The following ZSWIM5 variants were observed in gnomAD, a reference collection of about 807,000 sequenced individuals.
ZSWIM5 encodes the protein zinc finger SWIM domain-containing protein 5.
In ZSWIM5, 55 loss-of-function variants were observed where a neutral mutation model predicts 119.6. That is an observed-to-expected ratio of 0.46 (90% CI 0.37 to 0.58). The LOEUF (loss-of-function observed/expected upper bound fraction) is 0.58, where lower values mean the gene tolerates loss of function less well. Among genes scored for constraint, ZSWIM5 ranks in the 20% least tolerant of loss-of-function variants. The probability of loss-of-function intolerance (pLI) is 0.00; values close to 1 mark genes in which losing one functional copy is unlikely to be tolerated. For synonymous variants in ZSWIM5, 537 were observed against 606.9 expected (o/e 0.88, Z 1.69); for missense variants, 1,193 against 1,512.8 (o/e 0.79, Z 3.51).
intron 1 of ZSWIM5, among the ~76,000 whole-genome samples, chr1:45,168,283 T>C (rs1006704359): frequency 5.9e-5 from 9 of 151,654 alleles, no homozygotes; most frequent in Admixed American, 6.6e-5. Flanking sequence ...ATGAGAACAC[T>C]TGGACACAGG....
In ZSWIM5 at chr1:45,108,791, C is replaced by T. The variant is rs530944862; in HGVS notation, c.596-20554G>A. On this transcript the variant is annotated intron_variant, in intron 1 of 13. Transcript: ENST00000359600. Reference sequence around the variant, plus strand: ...ACTCATTTCAAGCAGAGTCAAACCTCAAATAATCTAATGAAAAATGCCTAT... The same window carrying T: ...ACTCATTTCAAGCAGAGTCAAACCTTAAATAATCTAATGAAAAATGCCTAT... Among the ~76,000 whole-genome samples the T allele has an allele frequency of 1.2e-4, 19 of 152,184 alleles. No homozygotes were observed. The South Asian group carries it at 3.5e-3, about 28-fold the overall frequency.
At chr1:45,137,807 A>C (rs2149032981) in intron 1 of ZSWIM5, among the ~76,000 whole-genome samples, 1 of 152,226 alleles carries the variant, frequency 6.6e-6, no homozygotes, top group South Asian at 2.1e-4. Context: ...TATTGTATGG[A>C]ATTTGGCTTT....
At chr1:45,096,124 A>G (rs1200963137) in intron 1 of ZSWIM5, among the ~76,000 whole-genome samples, 1 of 152,234 alleles carries the variant, frequency 6.6e-6, no homozygotes, top group East Asian at 1.9e-4. Flanking sequence ...CAAATATTCA[A>G]GTGCCCAAGA....
At chr1:45,177,330 C>A (rs1645987517) in intron 1 of ZSWIM5, among the ~76,000 whole-genome samples, 1 of 152,086 alleles carries the variant, frequency 6.6e-6, no homozygotes, top group Non-Finnish European at 1.5e-5. Context: ...TCTAACAAGG[C>A]TATGAACTAT....
intron 3 of ZSWIM5, among the ~76,000 whole-genome samples, chr1:45,059,365 C>A (rs953957692): frequency 1.3e-5 from 2 of 152,088 alleles, no homozygotes; most frequent in Non-Finnish European, 2.9e-5. Context: ...ACTGATGAAT[C>A]TTAAAAACAT....
At chr1:45,131,724 C>CAAAA (rs11336099) in intron 1 of ZSWIM5, among the ~76,000 whole-genome samples, 3 of 74,196 alleles carry the variant, frequency 4.0e-5, no homozygotes, top group Non-Finnish European at 5.5e-5. Context: ...GACTCTGTCT[C>CAAAA]AAAAAAAAAA....
rs746113380 is a variant in ZSWIM5, at chr1:45,051,252, C to T, written c.1254G>A (p.Gly418=). The T allele has an allele frequency of 1.7e-5, 27 of 1,612,330 alleles. No individual in the cohort carries two copies. The highest frequency in any genetic ancestry group is 2.7e-5 in the African/African-American group (2 of 74,762). ...TTAAAATTATGCACACCCATAAAGC[C>T]CCTGGAAAATAAAGCAACCCATATT... is the stretch of plus-strand genomic sequence containing the variant. ...DKCRQLWDEL[G]ALWVCIILNP... The change falls in exon 5 of 14, where the codon GGG becomes GGA. Residue 418 remains glycine (G), a splice_region_variant and synonymous_variant. Transcript: ENST00000359600.
Position 45,206,236 on chromosome 1 carries a change from C to A in ZSWIM5, c.115G>T (p.Ala39Ser), listed in dbSNP as rs764594242. The change falls in exon 1 of 14, where the codon GCA becomes TCA. Residue 39 changes from alanine (A) to serine (S), a missense_variant. Transcript: ENST00000359600. ...ACGCCCCCTGCCCCTCCGCCGGCTG[C>A]CCCAGGCGAACCGCGAGGGTGATGA... ...QAHHPRGSPG[A>S]AGGGAGGVGS... 6.3e-6 allele frequency: 10 copies of A among 1,584,176 alleles called. No homozygotes were observed. In the South Asian group the frequency reaches 9.2e-5, roughly 15 times the overall value.
At chr1:45,075,290 G>A (rs1280094684) in intron 2 of ZSWIM5, among the ~76,000 whole-genome samples, 7 of 150,608 alleles carry the variant, frequency 4.6e-5, no homozygotes, top group South Asian at 2.1e-4. Flanking sequence ...AGATGTGTCC[G>A]ATGCTGATAG....
intron 1 of ZSWIM5, among the ~76,000 whole-genome samples, chr1:45,096,423 T>C (rs1218802074): frequency 6.7e-6 from 1 of 149,380 alleles, no homozygotes; most frequent in Non-Finnish European, 1.5e-5. Flanking sequence ...GTGGACCTGG[T>C]AGATAACTGT....
intron 11 of ZSWIM5, among the ~76,000 whole-genome samples, chr1:45,026,077 C>T (rs1033308686): frequency 1.3e-5 from 2 of 152,076 alleles, no homozygotes; most frequent in African/African-American, 4.8e-5. Flanking sequence ...CTCTTTTGCC[C>T]AGGCTGGAGT....
chr1:45,172,915 A>G (rs1645955089), intron 1 of ZSWIM5, among the ~76,000 whole-genome samples: 1 of 152,070 alleles, frequency 6.6e-6, no homozygotes, highest in Admixed American at 6.6e-5. Flanking sequence ...TATAATCCCA[A>G]TGCTTTCGGA....
At chr1:45,165,564 C>T (rs183308948) in intron 1 of ZSWIM5, among the ~76,000 whole-genome samples, 2,186 of 151,892 alleles carry the variant, frequency 0.014, 64 homozygotes, top group African/African-American at 0.051. Context: ...ATTGATAGAC[C>T]ACTAGCAAGA....
chr1:45,034,601 A>T, intron 10 of ZSWIM5, 132 bp from the exon 11 acceptor site: 1 of 1,096,332 alleles, frequency 9.1e-7, no homozygotes, highest in South Asian at 1.6e-5. Flanking sequence ...GAAGGTTTTT[A>T]AACCTATGGT....
At position 45,036,094 on chromosome 1, in the gene ZSWIM5, C is replaced by A. The variant is rs1480946277; in HGVS notation, c.2100G>T (p.Gln700His). The A allele has an allele frequency of 6.2e-7, 1 of 1,614,098 alleles. No individual in the cohort carries two copies. The highest frequency in any genetic ancestry group is 1.3e-5 in the African/African-American group (1 of 74,938). Reference protein sequence around the residue: ...EQLLSQLQELQLDDELVQTLQ... With the variant: ...EQLLSQLQELHLDDELVQTLQ... Reference sequence around the variant, plus strand: ...GTGTTTGCACTAGCTCATCGTCCAGCTGCAGCTCTTGGAGTTGGCTCAGGA... The same window carrying A: ...GTGTTTGCACTAGCTCATCGTCCAGATGCAGCTCTTGGAGTTGGCTCAGGA... The change falls in exon 9 of 14, where the codon CAG becomes CAT. Residue 700 changes from glutamine to histidine, a missense_variant. Around this residue, in one of 2 missense-constraint regions of ZSWIM5, gnomAD observed 961 missense variants for 1,290.0 expected, o/e 0.74. Coordinates refer to ENST00000359600, the MANE Select transcript of ZSWIM5 (RefSeq NM_020883.2).
At chr1:45,158,044 A>C (rs1188557303) in intron 1 of ZSWIM5, among the ~76,000 whole-genome samples, 2 of 152,172 alleles carry the variant, frequency 1.3e-5, no homozygotes, top group African/African-American at 4.8e-5. Flanking sequence ...AGCATTCTTT[A>C]GCTATCTTAA....
At chr1:45,105,025 C>T (rs948781630) in intron 1 of ZSWIM5, among the ~76,000 whole-genome samples, 1 of 152,230 alleles carries the variant, frequency 6.6e-6, no homozygotes, top group Non-Finnish European at 1.5e-5. Context: ...ATCTTCGGCT[C>T]GCCGCAACCT....
chr1:45,097,815 C>A (rs578185836), intron 1 of ZSWIM5, among the ~76,000 whole-genome samples: 4 of 152,212 alleles, frequency 2.6e-5, no homozygotes, highest in African/African-American at 9.6e-5. Flanking sequence ...AATTCTCCTG[C>A]CTCAGTCTCC....
At chr1:45,170,183 ATTTTT>A (rs1031377497) in intron 1 of ZSWIM5, among the ~76,000 whole-genome samples, 10 of 152,010 alleles carry the variant, frequency 6.6e-5, no homozygotes, top group African/African-American at 2.4e-4. Flanking sequence ...TTTTCTCTGA[ATTTTT>A]ATATATTGTT....
Sources: allele counts gnomAD v4.1 joint callset (sites outside exome capture counted in the v4.1 genomes callset), GRCh38; gene constraint gnomAD v4.1.1; regional missense constraint gnomAD v4.1.1; transcripts MANE v1.5; gene names NCBI Gene and HGNC (gene_info 2026-07-23, HGNC 2026-07-21).